TTC17: variants seen among roughly 807,000 people sequenced by gnomAD.
TTC17 encodes the protein tetratricopeptide repeat domain 17, also known as tetratricopeptide repeat protein 17.
In TTC17, 58 loss-of-function variants were observed where a neutral mutation model predicts 143.8. The observed-to-expected ratio is 0.40, with a 90% confidence interval of 0.33 to 0.50. The LOEUF (loss-of-function observed/expected upper bound fraction) is 0.50, where lower values mean the gene tolerates loss of function less well. TTC17 is among the 20% of genes least tolerant of loss of function. TTC17 has a pLI of 0.49. For synonymous variants in TTC17, 501 were observed against 497.8 expected (o/e 1.01, Z -0.09); for missense variants, 1,273 against 1,392.5 (o/e 0.91, Z 1.37).
At chr11:43,468,755 C>A (rs1343975246) in intron 21 of TTC17, among the ~76,000 whole-genome samples, 6 of 152,040 alleles carry the variant, frequency 3.9e-5, no homozygotes, top group Non-Finnish European at 5.9e-5. Flanking sequence ...GGCAACATAG[C>A]AAGACCCCAT....
chr11:43,466,114 A>C (rs1464629143), intron 21 of TTC17, among the ~76,000 whole-genome samples: 1 of 152,210 alleles, frequency 6.6e-6, no homozygotes, highest in Admixed American at 6.5e-5. Context: ...AAAATATACA[A>C]AGGACTTGAA....
chr11:43,434,522 C>G (rs1304278981), intron 16 of TTC17, among the ~76,000 whole-genome samples: 2 of 152,168 alleles, frequency 1.3e-5, no homozygotes, highest in Non-Finnish European at 2.9e-5. Context: ...TCGGTTTCCT[C>G]ATTTCTAAAA....
At chr11:43,488,804 G>A (rs1160931033) in intron 21 of TTC17, among the ~76,000 whole-genome samples, 3 of 152,040 alleles carry the variant, frequency 2.0e-5, no homozygotes, top group Non-Finnish European at 2.9e-5. Flanking sequence ...GGGCTCAAGC[G>A]ATCCTCCTGC....
intron 21 of TTC17, among the ~76,000 whole-genome samples, chr11:43,460,712 A>G (rs1947849193): frequency 6.6e-6 from 1 of 152,224 alleles, no homozygotes; most frequent in African/African-American, 2.4e-5. Context: ...GCAACTGCAG[A>G]CATGTGGGGA....
intron 2 of TTC17, among the ~76,000 whole-genome samples, chr11:43,384,144 CAA>C (rs11299211): frequency 0.058 from 8,133 of 139,062 alleles, 234 homozygotes; most frequent in Middle Eastern, 0.12. Flanking sequence ...GACCCTGTCT[CAA>C]AAAAAAAAAA....
At chr11:43,436,059 C>T (rs1590416120) in intron 16 of TTC17, 9 of 992,766 alleles carry the variant, frequency 9.1e-6, no homozygotes, top group Non-Finnish European at 1.0e-5. Flanking sequence ...GAAGAAAAAC[C>T]GGCATTGTCA....
chr11:43,450,326 G>A, intron 20 of TTC17, 85 bp downstream of exon 20: 3 of 1,411,382 alleles, frequency 2.1e-6, no homozygotes, highest in Non-Finnish European at 9.3e-7. Flanking sequence ...CAGGTGACCG[G>A]GCCTTTTAAA....
chr11:43,440,783 T>C (rs947840042), intron 16 of TTC17, among the ~76,000 whole-genome samples: 1 of 152,184 alleles, frequency 6.6e-6, no homozygotes, highest in Non-Finnish European at 1.5e-5. Context: ...ACAAATCCTC[T>C]TCGTGACTTT....
rs370277973 is a variant in TTC17, at chr11:43,460,901, A to G, written c.3030+9636A>G. Among the ~76,000 whole-genome samples the G allele has an allele frequency of 5.9e-5, 9 of 152,330 alleles. No homozygotes were observed. In the East Asian group the frequency reaches 1.7e-3, roughly 29 times the overall value. On this transcript the variant is annotated intron_variant, in intron 21 of 23. Coordinates refer to ENST00000039989, the MANE Select transcript of TTC17 (RefSeq NM_018259.6). ...GCTAGGCCTCTTAGAGCCTGTGCATAAAACTGAAACAGCACTACTTCATCC... is the reference window on the plus strand; with the variant it reads ...GCTAGGCCTCTTAGAGCCTGTGCATGAAACTGAAACAGCACTACTTCATCC...
intron 16 of TTC17, among the ~76,000 whole-genome samples, chr11:43,432,759 A>G (rs1461751326): frequency 6.6e-6 from 1 of 152,044 alleles, no homozygotes; most frequent in Non-Finnish European, 1.5e-5. Context: ...CCAGGAAAAC[A>G]GGCAATATTT....
chr11:43,392,694 T>C (rs913359888), intron 5 of TTC17, among the ~76,000 whole-genome samples: 3 of 152,236 alleles, frequency 2.0e-5, no homozygotes, highest in Non-Finnish European at 2.9e-5. Flanking sequence ...CTTCATCTTA[T>C]TTTTCTGAAG....
intron 16 of TTC17, among the ~76,000 whole-genome samples, chr11:43,419,584 T>A (rs1439997055): frequency 6.6e-6 from 1 of 152,222 alleles, no homozygotes; most frequent in East Asian, 1.9e-4. Flanking sequence ...CTGCCTGCAA[T>A]GAAGGATCTT....
chr11:43,400,655 C>T (rs1857813676), intron 9 of TTC17, among the ~76,000 whole-genome samples: 1 of 152,122 alleles, frequency 6.6e-6, no homozygotes, highest in African/African-American at 2.4e-5. Flanking sequence ...AAATCCTCTC[C>T]AAAATTATAT....
intron 21 of TTC17, among the ~76,000 whole-genome samples, chr11:43,454,890 G>T (rs1460778156): frequency 1.3e-5 from 2 of 151,868 alleles, no homozygotes; most frequent in East Asian, 3.9e-4. Flanking sequence ...AATTAATAAG[G>T]ATATAAAGAC....
chr11:43,427,595 C>T (rs1415069629), intron 16 of TTC17, among the ~76,000 whole-genome samples: 4 of 152,218 alleles, frequency 2.6e-5, no homozygotes, highest in African/African-American at 7.2e-5. Context: ...AACACATACA[C>T]ATAAAAGTAC....
chr11:43,373,488 TA>T (rs1476310630), intron 1 of TTC17, among the ~76,000 whole-genome samples: 1 of 152,020 alleles, frequency 6.6e-6, no homozygotes, highest in Non-Finnish European at 1.5e-5. Flanking sequence ...CACGCCCAGC[TA>T]ATTTTTTGTA....
intron 1 of TTC17, among the ~76,000 whole-genome samples, chr11:43,359,708 A>G (rs1856018903): frequency 6.6e-6 from 1 of 152,222 alleles, no homozygotes. Flanking sequence ...TTCAGAAGGA[A>G]TGCTTGAAGA....
intron 2 of TTC17, among the ~76,000 whole-genome samples, chr11:43,380,954 A>T (rs1287722885): frequency 2.0e-5 from 3 of 152,204 alleles, no homozygotes; most frequent in African/African-American, 7.2e-5. Flanking sequence ...GTTCAGAAAG[A>T]TGCAATGGTG....
At chr11:43,478,523 A>G (rs1008285886) in intron 21 of TTC17, among the ~76,000 whole-genome samples, 6 of 152,230 alleles carry the variant, frequency 3.9e-5, no homozygotes, top group African/African-American at 1.4e-4. Flanking sequence ...GGATGAGGGT[A>G]TAGATGAAAC....
Sources: gnomAD v4.1 joint callset for allele counts (sites outside exome capture counted in the v4.1 genomes callset) on GRCh38, gnomAD v4.1.1 for gene constraint, MANE v1.5 for transcripts, NCBI Gene and HGNC (gene_info 2026-07-23, HGNC 2026-07-21) for gene names.